RFC1: variants seen among roughly 807,000 people sequenced by gnomAD.
The protein encoded by RFC1 is A1 140 kDa subunit.
A neutral mutation model predicts 137.4 loss-of-function variants in RFC1; 37 were observed. The observed-to-expected ratio is 0.27, with a 90% CI of 0.21 to 0.35. RFC1 has a LOEUF of 0.35. RFC1 is among the 10% of genes least tolerant of loss of function. RFC1 has a pLI of 1.00. For missense variants in RFC1, 1,205 were observed against 1,358.5 expected (o/e 0.89, Z 1.78); for synonymous variants, 429 against 455.7 (o/e 0.94, Z 0.75).
At chr4:39,359,604 T>C (rs1318114915) in intron 1 of RFC1, among the ~76,000 whole-genome samples, 1 of 151,916 alleles carries the variant, frequency 6.6e-6, no homozygotes, top group Non-Finnish European at 1.5e-5. Flanking sequence ...GGGTGGATCA[T>C]GAGGTCAGGA....
chr4:39,325,160 C>T (rs975484881), intron 6 of RFC1, among the ~76,000 whole-genome samples: 2 of 152,134 alleles, frequency 1.3e-5, no homozygotes, highest in African/African-American at 4.8e-5. Flanking sequence ...TTAAATATTA[C>T]TCAACTGGTA....
chr4:39,296,183 A>C (rs1737981789), intron 21 of RFC1, among the ~76,000 whole-genome samples: 1 of 152,230 alleles, frequency 6.6e-6, no homozygotes, highest in Admixed American at 6.5e-5. Flanking sequence ...GCATTTGAGA[A>C]AAGTTTTTTA....
chr4:39,296,507 G>GT (rs1467333257), intron 21 of RFC1, among the ~76,000 whole-genome samples: 10 of 134,828 alleles, frequency 7.4e-5, no homozygotes, highest in Non-Finnish European at 1.4e-4. Context: ...GTGGTGTTTG[G>GT]TTTTTTGTTC....
intron 2 of RFC1, among the ~76,000 whole-genome samples, chr4:39,347,386 T>C (rs1185037902): frequency 6.6e-6 from 1 of 152,184 alleles, no homozygotes; most frequent in East Asian, 1.9e-4. Flanking sequence ...TCTGGGACAC[T>C]TTCTTCCTGC....
At chr4:39,300,909 C>T (rs1398154884) in intron 19 of RFC1, among the ~76,000 whole-genome samples, 1 of 151,950 alleles carries the variant, frequency 6.6e-6, no homozygotes, top group African/African-American at 2.4e-5. Context: ...GCCTGGCCAA[C>T]ATAGTAAAAC....
intron 9 of RFC1, 84 bp from the exon 10 acceptor site, chr4:39,317,106 T>G: frequency 1.2e-6 from 1 of 801,142 alleles, no homozygotes; most frequent in South Asian, 1.6e-5. Flanking sequence ...ATAAACATTA[T>G]TTTTATTGTG....
intron 1 of RFC1, among the ~76,000 whole-genome samples, chr4:39,358,103 T>C (rs1035782649): frequency 1.3e-5 from 2 of 151,922 alleles, no homozygotes; most frequent in African/African-American, 4.8e-5. Flanking sequence ...GGAGAAACCC[T>C]GTCTCTACTT....
rs761691796 is a variant in RFC1 at position 39,351,351 on chromosome 4, G to A, written c.129C>T (p.Ile43=). The change falls in exon 2 of 25, where the codon ATC becomes ATT. Residue 43 remains isoleucine, a synonymous_variant. Transcript: ENST00000349703. ...AAATTATACCCAGAAAACTAACCTT[G>A]ATTTCCTTTATTCCTTTCTTTGCTT... ...TLKAKKGIKE[I]KVNSSRKEDD... is the part of the protein sequence containing the mutation. 1 of 1,461,486 alleles carries A rather than the reference G, an allele frequency of 6.8e-7. No homozygotes were observed. 90.5% of individuals were successfully genotyped at this position (1,461,486 alleles called of 1,614,324 possible).
chr4:39,355,018 G>A (rs540671518), intron 1 of RFC1, among the ~76,000 whole-genome samples: 1 of 149,136 alleles, frequency 6.7e-6, no homozygotes, highest in South Asian at 2.1e-4. Flanking sequence ...GGAGGCAGAT[G>A]TTGCAGTAAG....
chr4:39,293,978 G>A (rs534640983), intron 22 of RFC1, among the ~76,000 whole-genome samples: 74 of 152,314 alleles, frequency 4.9e-4, no homozygotes, highest in African/African-American at 1.5e-3. Context: ...GCCTGGCGTA[G>A]CATCCTCAGA....
intron 1 of RFC1, among the ~76,000 whole-genome samples, chr4:39,354,943 G>A (rs1741387893): frequency 6.6e-6 from 1 of 151,560 alleles, no homozygotes; most frequent in South Asian, 2.1e-4. Flanking sequence ...TTGGCCATGT[G>A]TGGTGGTGCA....
intron 4 of RFC1, 37 bp downstream of exon 4, chr4:39,342,308 C>G: frequency 6.3e-7 from 1 of 1,579,958 alleles, no homozygotes; most frequent in South Asian, 1.2e-5. Flanking sequence ...AAGAACATAA[C>G]ACACACGGCA....
intron 15 of RFC1, among the ~76,000 whole-genome samples, chr4:39,303,911 TCTATTATGTCATA>T: frequency 6.6e-6 from 1 of 152,372 alleles, no homozygotes; most frequent in South Asian, 2.1e-4. Flanking sequence ...CAAGCTTTTT[TCTATTATGTCATA>T]CTAAATGACT....
rs1180629974 is a variant in RFC1, at chr4:39,326,629, A to G, written c.576T>C (p.Asn192=). 6.2e-7 allele frequency: 1 copy of G among 1,611,768 alleles called. No individual in the cohort carries two copies. The change falls in exon 6 of 25, where the codon AAT becomes AAC. Residue 192 remains asparagine, a synonymous_variant. Coordinates refer to ENST00000349703, the MANE Select transcript of RFC1 (RefSeq NM_002913.5). ...CATCATTTAATCCAGACTCATCTGT[A>G]TTTTGTGAAAGCTATATTTCAAAGA... ...VASKRKELSQ[N]TDESGLNDEA...
intron 22 of RFC1, among the ~76,000 whole-genome samples, chr4:39,293,742 G>C (rs528545962): frequency 6.6e-5 from 10 of 152,070 alleles, no homozygotes; most frequent in East Asian, 1.9e-4. Flanking sequence ...AAAACAACCC[G>C]GAAGTCCAGG....
In RFC1 at chr4:39,323,371, G is replaced by A. The variant is rs1560606115; in HGVS notation, c.689C>T (p.Ala230Val). 6.2e-7 allele frequency: 1 copy of A among 1,614,028 alleles called. No homozygotes were observed. Among genetic ancestry groups the A allele is most frequent in the Non-Finnish European group, 8.5e-7 (1 of 1,179,968 alleles). The change falls in exon 7 of 25, where the codon GCC becomes GTC. Residue 230 changes from alanine (A) to valine (V), a missense_variant. Around this residue, in one of 3 missense-constraint regions of RFC1, gnomAD observed 962 missense variants for 1,035.3 expected, o/e 0.93. Coordinates refer to ENST00000349703, the MANE Select transcript of RFC1 (RefSeq NM_002913.5). ...GGTCTTGGGTTCTTCATCCAACATG[G>A]CTAATGTTCTGGCAAACTCTTCATC... Reference protein sequence around the residue: ...HEDEEFARTLAMLDEEPKTKK... With the variant: ...HEDEEFARTLVMLDEEPKTKK...
At chr4:39,312,174 T>C (rs1312481226) in intron 11 of RFC1, among the ~76,000 whole-genome samples, 1 of 152,170 alleles carries the variant, frequency 6.6e-6, no homozygotes, top group Non-Finnish European at 1.5e-5. Flanking sequence ...TTTAAATGCC[T>C]AGAGCTGCAA....
At chr4:39,311,376 C>T in intron 12 of RFC1, 69 bp downstream of exon 12, 14 of 1,303,712 alleles carry the variant, frequency 1.1e-5, no homozygotes, top group Non-Finnish European at 1.4e-5. Context: ...TGTATCCACC[C>T]AAGACATATG....
intron 22 of RFC1, among the ~76,000 whole-genome samples, chr4:39,292,808 AT>A (rs34278038): frequency 4.1e-4 from 59 of 145,128 alleles, no homozygotes; most frequent in East Asian, 6.0e-4. Flanking sequence ...CACCCGGCTA[AT>A]TTTTTTTTTT....
Sources: allele counts gnomAD v4.1 joint callset (sites outside exome capture counted in the v4.1 genomes callset), GRCh38; gene constraint gnomAD v4.1.1; regional missense constraint gnomAD v4.1.1; transcripts MANE v1.5; gene names NCBI Gene and HGNC (gene_info 2026-07-23, HGNC 2026-07-21).